The following IL1RAPL2 variants were observed in gnomAD, a reference collection of about 807,000 sequenced individuals.
IL1RAPL2 encodes the protein X-linked interleukin-1 receptor accessory protein-like 2.
Under a neutral mutation model 44.1 loss-of-function variants are expected in IL1RAPL2, and 3 were observed. That is an observed-to-expected ratio of 0.07 (90% CI 0.03 to 0.18). The LOEUF is 0.18. IL1RAPL2 is among the 10% of genes least tolerant of loss of function. IL1RAPL2 has a pLI of 1.00. For missense variants in IL1RAPL2, 391 were observed against 496.4 expected (o/e 0.79, Z 2.02); for synonymous variants, 181 against 178.8 (o/e 1.01, Z -0.10).
intron 2 of IL1RAPL2, among the ~76,000 whole-genome samples, chrX:105,049,787 G>T (rs1247571214): frequency 9.0e-6 from 1 of 110,843 alleles, no homozygotes; most frequent in South Asian, 3.8e-4. Context: ...CTCACACATA[G>T]CTCTTGAAAA....
At chrX:105,398,675 CT>C (rs2035582909) in intron 5 of IL1RAPL2, among the ~76,000 whole-genome samples, 1 of 111,480 alleles carries the variant, frequency 9.0e-6, no homozygotes, top group Admixed American at 9.6e-5. Context: ...AGTTTTAAAC[CT>C]TTCCATACAT....
At chrX:104,747,644 A>G (rs1032246992) in intron 2 of IL1RAPL2, among the ~76,000 whole-genome samples, 9 of 110,993 alleles carry the variant, frequency 8.1e-5, no homozygotes, top group African/African-American at 2.9e-4. Context: ...CTGTGGTCTA[A>G]AGTTTGAGTA....
intron 2 of IL1RAPL2, among the ~76,000 whole-genome samples, chrX:105,058,947 C>T (rs779176924): frequency 1.8e-5 from 2 of 111,201 alleles, no homozygotes; most frequent in African/African-American, 6.5e-5. Context: ...GGCAGTGACA[C>T]CTCTTGCAGT....
chrX:104,891,753 G>C (rs974407925), intron 2 of IL1RAPL2, among the ~76,000 whole-genome samples: 3 of 111,631 alleles, frequency 2.7e-5, no homozygotes, highest in Non-Finnish European at 3.8e-5. Flanking sequence ...AGAACAACTT[G>C]ACTTCCTCTT....
chrX:104,781,537 G>A (rs986534018), intron 2 of IL1RAPL2, among the ~76,000 whole-genome samples: 1 of 111,969 alleles, frequency 8.9e-6, no homozygotes, highest in Non-Finnish European at 1.9e-5. Context: ...TAGGGGCCCA[G>A]ATGCCTTCCA....
At chrX:105,554,365 A>G (rs1270995250) in intron 6 of IL1RAPL2, among the ~76,000 whole-genome samples, 2 of 112,326 alleles carry the variant, frequency 1.8e-5, no homozygotes, top group Admixed American at 1.9e-4. Context: ...TTTAATTTAT[A>G]TAATTTTGCT....
At chrX:105,687,487 A>T (rs1436030595) in intron 6 of IL1RAPL2, among the ~76,000 whole-genome samples, 1 of 111,788 alleles carries the variant, frequency 8.9e-6, no homozygotes, top group Non-Finnish European at 1.9e-5. Context: ...GAAGAAATGG[A>T]TAAATTCCTT....
intron 5 of IL1RAPL2, among the ~76,000 whole-genome samples, chrX:105,447,634 T>TATAAATATAAATATAAATATAA (rs2035977794): frequency 3.8e-5 from 3 of 79,136 alleles, no homozygotes; most frequent in Non-Finnish European, 6.4e-5. Context: ...TATATATTTA[T>TATAAATATAAATATAAATATAA]ATAAATATAA....
intron 6 of IL1RAPL2, among the ~76,000 whole-genome samples, chrX:105,694,996 A>G (rs1490800729): frequency 1.8e-5 from 2 of 111,345 alleles, no homozygotes; most frequent in Non-Finnish European, 3.8e-5. Context: ...GAGCTGAGGA[A>G]TCAACGAACA....
intron 1 of IL1RAPL2, among the ~76,000 whole-genome samples, chrX:104,609,488 A>G (rs1013115126): frequency 2.7e-5 from 3 of 112,295 alleles, no homozygotes; most frequent in Non-Finnish European, 5.6e-5. Context: ...AGGTACACCA[A>G]TCAAATGTAG....
chrX:105,243,397 A>G (rs1275498276), intron 4 of IL1RAPL2, among the ~76,000 whole-genome samples: 1 of 109,280 alleles, frequency 9.2e-6, no homozygotes, highest in Non-Finnish European at 1.9e-5. Flanking sequence ...CCAGCCATCC[A>G]GAACTGTGAA....
chrX:105,374,315 C>T (rs906433569), intron 5 of IL1RAPL2, among the ~76,000 whole-genome samples: 2 of 109,559 alleles, frequency 1.8e-5, no homozygotes, highest in East Asian at 2.9e-4. Flanking sequence ...CTTGGCTATT[C>T]GGGCCCTTTT....
chrX:105,723,001 C>T (rs952657535), intron 7 of IL1RAPL2, among the ~76,000 whole-genome samples: 1 of 111,692 alleles, frequency 9.0e-6, no homozygotes, highest in African/African-American at 3.3e-5. Context: ...TGCAACATGG[C>T]TGGGCTGAGA....
intron 2 of IL1RAPL2, among the ~76,000 whole-genome samples, chrX:104,971,205 G>A (rs771474133): frequency 2.7e-5 from 3 of 110,072 alleles, no homozygotes; most frequent in Non-Finnish European, 3.8e-5. Context: ...AAAATTAGCC[G>A]GGCGTGGTGA....
At chrX:105,035,565 A>T (rs964681042) in intron 2 of IL1RAPL2, among the ~76,000 whole-genome samples, 1 of 112,458 alleles carries the variant, frequency 8.9e-6, no homozygotes, top group Non-Finnish European at 1.9e-5. Flanking sequence ...GAATAAAAAA[A>T]ATTAACATGG....
At chrX:104,634,078 T>G (rs1929727503) in intron 1 of IL1RAPL2, among the ~76,000 whole-genome samples, 1 of 111,918 alleles carries the variant, frequency 8.9e-6, no homozygotes, top group Admixed American at 9.5e-5. Flanking sequence ...AACATCTTTA[T>G]TACTGCCTTC....
chrX:105,078,656 C>A (rs1476298280), intron 2 of IL1RAPL2, among the ~76,000 whole-genome samples: 1 of 112,709 alleles, frequency 8.9e-6, no homozygotes, highest in Non-Finnish European at 1.9e-5. Flanking sequence ...GCAGGCAGGC[C>A]TCCTTGAGCT....
chrX:104,745,663 T>C (rs1316467697), intron 2 of IL1RAPL2, among the ~76,000 whole-genome samples: 1 of 111,576 alleles, frequency 9.0e-6, no homozygotes, highest in African/African-American at 3.3e-5. Context: ...AATGAGAGCG[T>C]TAGTACATTA....
intron 7 of IL1RAPL2, among the ~76,000 whole-genome samples, chrX:105,733,675 TAG>T (rs2147569036): frequency 9.0e-6 from 1 of 111,215 alleles, no homozygotes; most frequent in East Asian, 2.8e-4. Flanking sequence ...ATTTTTTTCT[TAG>T]AGTTTCCATC....
Sources: gnomAD v4.1 joint callset for allele counts (sites outside exome capture counted in the v4.1 genomes callset) on GRCh38, gnomAD v4.1.1 for gene constraint, MANE v1.5 for transcripts, NCBI Gene and HGNC (gene_info 2026-07-23, HGNC 2026-07-21) for gene names.